The following TENM2 variants were observed in gnomAD, a reference collection of about 807,000 sequenced individuals.
The protein encoded by TENM2 is teneurin transmembrane protein 2, also known as teneurin-2.
In TENM2, 52 loss-of-function variants were observed where a neutral mutation model predicts 245.2. The observed-to-expected ratio is 0.21, with a 90% CI of 0.17 to 0.27. TENM2 has a LOEUF of 0.27. TENM2 is among the 10% of genes least tolerant of loss of function. The probability of loss-of-function intolerance (pLI) is 1.00; values close to 1 mark genes in which losing one functional copy is unlikely to be tolerated. For synonymous variants in TENM2, 1,363 were observed against 1,438.9 expected (o/e 0.95, Z 1.19); for missense variants, 3,046 against 3,666.8 (o/e 0.83, Z 4.37).
chr5:167,952,812 C>T (rs907348809), exon 4 of TENM2: 2 of 1,555,928 alleles, frequency 1.3e-6, no homozygotes, highest in African/African-American at 1.4e-5. Flanking sequence ...CAACGTGCCA[C>T]TGGAGACCCG....
At chr5:167,538,514 A>G (rs1771994687) in intron 2 of TENM2, among the ~76,000 whole-genome samples, 2 of 152,202 alleles carry the variant, frequency 1.3e-5, no homozygotes, top group Admixed American at 1.3e-4. Context: ...TCATTTAACA[A>G]TAAGTGAAAG....
intron 4 of TENM2, among the ~76,000 whole-genome samples, chr5:167,987,564 G>A (rs571783965): frequency 2.2e-4 from 33 of 151,712 alleles, no homozygotes; most frequent in Non-Finnish European, 3.7e-4. Flanking sequence ...CAAATGATTC[G>A]CCTGCCTCGG....
chr5:168,034,529 C>T (rs1026761420), intron 5 of TENM2, among the ~76,000 whole-genome samples: 6 of 151,760 alleles, frequency 4.0e-5, no homozygotes, highest in Non-Finnish European at 1.5e-5. Flanking sequence ...CTCAGGAGTT[C>T]AAGACCAGCC....
At chr5:167,173,391 C>G in the TENM2 span, among the ~76,000 whole-genome samples, 1 of 152,130 alleles carries the variant, frequency 6.6e-6, no homozygotes, top group African/African-American at 2.4e-5. Context: ...ATTTTGAATC[C>G]TTAAATCCTG....
At chr5:168,233,881 A>C (rs1480560908) in intron 25 of TENM2, among the ~76,000 whole-genome samples, 1 of 152,174 alleles carries the variant, frequency 6.6e-6, no homozygotes, top group Non-Finnish European at 1.5e-5. Flanking sequence ...AACCCATCAG[A>C]TCTCGTGATA....
chr5:168,060,236 A>AAAAAAAG (rs1159815140), intron 6 of TENM2, among the ~76,000 whole-genome samples: 2 of 151,412 alleles, frequency 1.3e-5, no homozygotes, highest in Non-Finnish European at 3.0e-5. Context: ...CGAAAAAAAA[A>AAAAAAAG]AAAAAAGAAA....
intron 1 of TENM2, among the ~76,000 whole-genome samples, chr5:167,368,384 C>T (rs1428553168): frequency 6.6e-6 from 1 of 151,984 alleles, no homozygotes; most frequent in Non-Finnish European, 1.5e-5. Context: ...TTATATCCTT[C>T]CCTTTAGGCT....
Position 168,094,347 on chromosome 5 carries a change from C to T in TENM2, c.1711+3578C>T, listed in dbSNP as rs917645957. On this transcript the variant is annotated intron_variant, in intron 8 of 28. Coordinates refer to ENST00000518659, the Ensembl canonical transcript of TENM2. Reference sequence around the variant, plus strand: ...GCTTCCTGGACCTTTGCTGCTTGATCGCCAAAGATGTAAGTTTTGAGAACA... The same window carrying T: ...GCTTCCTGGACCTTTGCTGCTTGATTGCCAAAGATGTAAGTTTTGAGAACA... Among the ~76,000 whole-genome samples, 7 of 151,954 alleles carry T rather than the reference C, an allele frequency of 4.6e-5. No individual in the cohort carries two copies. In the East Asian group the frequency reaches 1.2e-3, roughly 25 times the overall value.
At chr5:167,296,306 T>G (rs1424876168) in intron 1 of TENM2, 1 of 152,214 alleles carries the variant, frequency 6.6e-6, no homozygotes, top group African/African-American at 2.4e-5. Context: ...CTGAAGCACT[T>G]TCTTTCAAAT....
chr5:166,995,877 A>G, the TENM2 span, among the ~76,000 whole-genome samples: 8 of 151,734 alleles, frequency 5.3e-5, no homozygotes, highest in African/African-American at 1.9e-4. Flanking sequence ...AATTGTCACA[A>G]ATAAGATGGA....
intron 1 of TENM2, among the ~76,000 whole-genome samples, chr5:167,348,349 G>A (rs1435531109): frequency 6.6e-6 from 1 of 152,108 alleles, no homozygotes; most frequent in African/African-American, 2.4e-5. Flanking sequence ...TTATATTTGT[G>A]CATGAAGAAA....
At chr5:168,155,892 TAAAAAAAAAAAAAAAAAA>T (rs55977607) in intron 12 of TENM2, among the ~76,000 whole-genome samples, 1 of 96,930 alleles carries the variant, frequency 1.0e-5, no homozygotes, top group East Asian at 2.4e-4. Context: ...CTGGCATCTG[TAAAAAAAAAAAAAAAAAA>T]AAAAAAAAAA....
the TENM2 span, among the ~76,000 whole-genome samples, chr5:167,114,368 T>G: frequency 6.6e-6 from 1 of 152,198 alleles, no homozygotes; most frequent in African/African-American, 2.4e-5. Context: ...AATTTATTTG[T>G]GAAAAATCGG....
intron 2 of TENM2, among the ~76,000 whole-genome samples, chr5:167,473,335 A>G (rs1395816104): frequency 1.3e-5 from 2 of 152,088 alleles, no homozygotes; most frequent in African/African-American, 4.8e-5. Context: ...TACTGGTTAT[A>G]TATGTGGAGA....
intron 2 of TENM2, among the ~76,000 whole-genome samples, chr5:167,642,602 A>C (rs1779685071): frequency 1.3e-5 from 2 of 152,188 alleles, no homozygotes; most frequent in Admixed American, 1.3e-4. Context: ...ATGTGAAGCC[A>C]TTGTTTCTTA....
chr5:167,114,996 T>C, the TENM2 span, among the ~76,000 whole-genome samples: 1 of 152,232 alleles, frequency 6.6e-6, no homozygotes, highest in Non-Finnish European at 1.5e-5. Flanking sequence ...TAAAGGGCAT[T>C]AGCATCAGGT....
At chr5:167,956,736 G>A (rs1044418687) in intron 4 of TENM2, among the ~76,000 whole-genome samples, 5 of 152,234 alleles carry the variant, frequency 3.3e-5, no homozygotes, top group Admixed American at 1.3e-4. Context: ...TAATCATGTG[G>A]TTTTTGTCAT....
At chr5:166,987,645 C>T in the TENM2 span, among the ~76,000 whole-genome samples, 1 of 152,064 alleles carries the variant, frequency 6.6e-6, no homozygotes, top group African/African-American at 2.4e-5. Flanking sequence ...TCATTGTTCA[C>T]ATCTGGGTTT....
At chr5:168,169,569 A>G (rs559490869) in intron 13 of TENM2, among the ~76,000 whole-genome samples, 6 of 152,138 alleles carry the variant, frequency 3.9e-5, no homozygotes, top group East Asian at 3.9e-4. Context: ...TAGCCATCCA[A>G]ATTGGTTTGA....
Sources: gnomAD v4.1 joint callset for allele counts (sites outside exome capture counted in the v4.1 genomes callset) on GRCh38, gnomAD v4.1.1 for gene constraint, MANE v1.5 for transcripts, NCBI Gene and HGNC (gene_info 2026-07-23, HGNC 2026-07-21) for gene names.